The following PRDM5 variants were observed in gnomAD, a reference collection of about 807,000 sequenced individuals.
PRDM5 encodes PR domain zinc finger protein 5.
PRDM5 carries 56 observed loss-of-function variants against 81.2 expected under a neutral mutation model. The observed-to-expected ratio is 0.69, with a 90% confidence interval of 0.56 to 0.86. The LOEUF is 0.86. Ranked by LOEUF, PRDM5 falls within the 40% of genes least tolerant of loss-of-function variation. The pLI, the probability that PRDM5 is intolerant of heterozygous loss-of-function variation, is 0.00. For missense variants in PRDM5, 697 were observed against 770.1 expected, an observed-to-expected ratio of 0.91 and a Z score of 1.12; for synonymous variants, 267 against 256.4, an observed-to-expected ratio of 1.04 and a Z score of -0.39.
chr4:120,791,387 T>G (rs2149264776), intron 10 of PRDM5, among the ~76,000 whole-genome samples: 1 of 152,334 alleles, frequency 6.6e-6, no homozygotes, highest in African/African-American at 2.4e-5. Flanking sequence ...TACTAGTTAC[T>G]TTTAAATATA....
chr4:120,809,518 T>A (rs1320207850), intron 8 of PRDM5, among the ~76,000 whole-genome samples: 1 of 152,234 alleles, frequency 6.6e-6, no homozygotes. Context: ...TGAGATTTTA[T>A]AAAATTTACA....
In PRDM5 at chr4:120,784,847, G is replaced by T. The variant is rs1749535998; in HGVS notation, c.1282+151C>A. The T allele has an allele frequency of 6.0e-6, 3 of 502,548 alleles. No homozygotes were observed. The East Asian group carries it at 9.4e-5, about 16-fold the overall frequency. The allele number at this position is 502,548 out of a possible 1,614,324, so 31.1% of individuals were successfully genotyped here. On this transcript the variant is annotated intron_variant, in intron 11 of 15. Coordinates refer to ENST00000264808, the MANE Select transcript of PRDM5 (RefSeq NM_018699.4). ...AAGCAAATATAAAGCGAAAAAAAGT[G>T]AAAGGCAGAATTTTCGGTCTTTCTT...
At chr4:120,912,304 A>C (rs1417572328) in intron 1 of PRDM5, among the ~76,000 whole-genome samples, 3 of 152,210 alleles carry the variant, frequency 2.0e-5, no homozygotes, top group Non-Finnish European at 4.4e-5. Context: ...CCCTACTGTT[A>C]TGCAGCACAA....
intron 14 of PRDM5, among the ~76,000 whole-genome samples, chr4:120,733,892 TAAAAAAAAA>T (rs60786051): frequency 1.5e-5 from 2 of 132,296 alleles, no homozygotes; most frequent in Non-Finnish European, 3.3e-5. Flanking sequence ...GACACAAAAG[TAAAAAAAAA>T]AAAAAACAAA....
rs1259568974 is a variant in PRDM5 at position 120,816,920 on chromosome 4, G to A, written c.655C>T (p.Leu219Phe). Residue 219 changes from leucine to phenylalanine, a missense_variant, in exon 6 of 16, where the codon CTT becomes TTT. Physicochemically the swap from Leu to Phe is conservative, Grantham distance 22. Around this residue, in one of 3 missense-constraint regions of PRDM5, gnomAD observed 577 missense variants for 606.7 expected, o/e 0.95. Coordinates refer to ENST00000264808, the MANE Select transcript of PRDM5 (RefSeq NM_018699.4). ...PVKQALQRHV[L>F]QCTAKSSLKE... is the part of the protein sequence containing the mutation. Reference sequence around the variant, plus strand: ...AGACTGCTTTTCGCTGTGCACTGAAGAACACTAAAGGGAAATAGGAAAAAG... The same window carrying A: ...AGACTGCTTTTCGCTGTGCACTGAAAAACACTAAAGGGAAATAGGAAAAAG... 4 of 1,610,142 alleles carry A rather than the reference G, an allele frequency of 2.5e-6. No homozygotes were observed. The East Asian group carries it at 6.7e-5, about 27-fold the overall frequency.
chr4:120,816,041 G>C (rs989571489), intron 7 of PRDM5: 1 of 222,004 alleles, frequency 4.5e-6, no homozygotes, highest in African/African-American at 2.3e-5. Flanking sequence ...TAGGAGAACT[G>C]TATTTTCACA....
At position 120,811,413 on chromosome 4, in the gene PRDM5, T is replaced by C. The variant is rs370083936; in HGVS notation, c.902A>G (p.Asn301Ser). 9.4e-6 allele frequency: 15 copies of C among 1,603,448 alleles called. No homozygotes were observed. Among genetic ancestry groups the C allele is most frequent in the Non-Finnish European group, 1.2e-5 (14 of 1,172,476 alleles). ...GCTTGATGCTGAAGAACACTTTTTA[T>C]TGCACACTGAACATATAAGCTTTTT... ...PKKKLICSVC[N>S]KKCSSASSLQ... is the part of the protein sequence containing the mutation. Residue 301 changes from asparagine to serine, a missense_variant, in exon 8 of 16, where the codon AAT becomes AGT. Asn to Ser is a conservative substitution (Grantham distance 46, BLOSUM62 1). Coordinates refer to ENST00000264808, the MANE Select transcript of PRDM5 (RefSeq NM_018699.4).
At chr4:120,731,367 CTT>C (rs200102326) in intron 14 of PRDM5, among the ~76,000 whole-genome samples, 37 of 129,152 alleles carry the variant, frequency 2.9e-4, no homozygotes, top group Admixed American at 5.4e-4. Flanking sequence ...CAGAGGTCTT[CTT>C]TTTTTTTTTT....
intron 3 of PRDM5, among the ~76,000 whole-genome samples, chr4:120,824,498 G>A (rs563391455): frequency 1.3e-5 from 2 of 152,098 alleles, no homozygotes; most frequent in Admixed American, 6.6e-5. Flanking sequence ...CAACATCAAG[G>A]CCTGCTCAAA....
At chr4:120,803,689 A>T (rs139392795) in intron 8 of PRDM5, among the ~76,000 whole-genome samples, 268 of 152,320 alleles carry the variant, frequency 1.8e-3, no homozygotes, top group African/African-American at 6.2e-3. Context: ...GCCCTACAAG[A>T]GCTCCTGAAG....
chr4:120,891,066 A>C (rs1278307303), intron 2 of PRDM5, among the ~76,000 whole-genome samples: 2 of 152,164 alleles, frequency 1.3e-5, no homozygotes, highest in Non-Finnish European at 2.9e-5. Flanking sequence ...GTCCAGAATG[A>C]AATTTCCTAA....
At chr4:120,737,889 T>C (rs1741346302) in intron 14 of PRDM5, among the ~76,000 whole-genome samples, 1 of 152,204 alleles carries the variant, frequency 6.6e-6, no homozygotes, top group Non-Finnish European at 1.5e-5. Flanking sequence ...TTGGTAAATT[T>C]AATAATTCGC....
chr4:120,780,684 T>C (rs1748910248), intron 12 of PRDM5, among the ~76,000 whole-genome samples: 1 of 152,222 alleles, frequency 6.6e-6, no homozygotes, highest in Admixed American at 6.5e-5. Flanking sequence ...ACCAGAAACT[T>C]CCCTATGCTC....
intron 14 of PRDM5, among the ~76,000 whole-genome samples, chr4:120,720,629 G>T (rs896534992): frequency 6.6e-6 from 1 of 152,124 alleles, no homozygotes; most frequent in Admixed American, 6.6e-5. Flanking sequence ...AATGCATTGA[G>T]TTTCCCTCTA....
intron 2 of PRDM5, among the ~76,000 whole-genome samples, chr4:120,874,067 T>C (rs1215719192): frequency 6.6e-6 from 1 of 152,200 alleles, no homozygotes; most frequent in Non-Finnish European, 1.5e-5. Context: ...GTAATTAACA[T>C]ATACATCACC....
intron 13 of PRDM5, among the ~76,000 whole-genome samples, chr4:120,774,886 T>TATATA (rs1747848958): frequency 3.7e-5 from 2 of 54,354 alleles, no homozygotes; most frequent in Non-Finnish European, 6.9e-5. Flanking sequence ...CTCTCTCTCT[T>TATATA]TCTATATATA....
intron 14 of PRDM5, among the ~76,000 whole-genome samples, chr4:120,725,885 C>T (rs35304683): frequency 0.11 from 16,894 of 152,086 alleles, 1,236 homozygotes; most frequent in Non-Finnish European, 0.17. Context: ...ACAATCTCCC[C>T]TTCTTCCTAT....
chr4:120,717,791 G>C (rs1738011546), intron 14 of PRDM5, among the ~76,000 whole-genome samples: 1 of 152,206 alleles, frequency 6.6e-6, no homozygotes, highest in African/African-American at 2.4e-5. Context: ...ATAATCCAAA[G>C]ATTTCCTGTG....
intron 3 of PRDM5, among the ~76,000 whole-genome samples, chr4:120,842,890 A>G (rs1031684640): frequency 1.3e-5 from 2 of 152,174 alleles, no homozygotes; most frequent in African/African-American, 4.8e-5. Flanking sequence ...AATGTTACAG[A>G]GGTAGGCTTT....
Sources: gnomAD v4.1 joint callset for allele counts (sites outside exome capture counted in the v4.1 genomes callset) on GRCh38, gnomAD v4.1.1 for gene constraint, gnomAD v4.1.1 regional missense constraint, MANE v1.5 for transcripts, NCBI Gene and HGNC (gene_info 2026-07-23, HGNC 2026-07-21) for gene names.